The following DPP10 variants were observed in gnomAD, a reference collection of about 807,000 sequenced individuals.
DPP10 encodes the protein inactive dipeptidyl peptidase 10.
Under a neutral mutation model 120.9 loss-of-function variants are expected in DPP10, and 33 were observed. The observed-to-expected ratio is 0.27, with a 90% CI of 0.21 to 0.37. The LOEUF (loss-of-function observed/expected upper bound fraction) is 0.37. Ranked by LOEUF, DPP10 falls within the 10% of genes least tolerant of loss-of-function variation. The pLI is 1.00. For missense variants in DPP10, 816 were observed against 942.8 expected (o/e 0.87, Z 1.76); for synonymous variants, 337 against 326.1 (o/e 1.03, Z -0.36).
At chr2:114,609,507 G>C (rs1228500470) in intron 1 of DPP10, among the ~76,000 whole-genome samples, 4 of 152,142 alleles carry the variant, frequency 2.6e-5, no homozygotes, top group Non-Finnish European at 5.9e-5. Context: ...CACACAGATG[G>C]GACAAGAGTC....
chr2:114,558,144 T>G (rs1349546593), intron 1 of DPP10, among the ~76,000 whole-genome samples: 1 of 152,180 alleles, frequency 6.6e-6, no homozygotes, highest in African/African-American at 2.4e-5. Context: ...TTTACTGACC[T>G]CCAGAAGTGA....
At chr2:114,800,100 T>C (rs1378832034) in intron 1 of DPP10, among the ~76,000 whole-genome samples, 2 of 152,342 alleles carry the variant, frequency 1.3e-5, no homozygotes, top group Non-Finnish European at 2.9e-5. Flanking sequence ...GCATAAATGA[T>C]GTAAGCGCAA....
At chr2:114,517,237 A>G (rs1684664806) in intron 1 of DPP10, among the ~76,000 whole-genome samples, 1 of 152,140 alleles carries the variant, frequency 6.6e-6, no homozygotes. Flanking sequence ...AAATCAGGGT[A>G]TGGCTGGGCA....
At chr2:115,166,659 CTGTT>C (rs1003457901) in intron 1 of DPP10, among the ~76,000 whole-genome samples, 8 of 146,828 alleles carry the variant, frequency 5.4e-5, no homozygotes, top group East Asian at 1.9e-4. Context: ...ATCTATATAT[CTGTT>C]TGATTATTTC....
At chr2:114,730,528 C>A (rs1676792883) in intron 1 of DPP10, among the ~76,000 whole-genome samples, 1 of 152,164 alleles carries the variant, frequency 6.6e-6, no homozygotes, top group Admixed American at 6.6e-5. Flanking sequence ...TAAAGAAACC[C>A]ACAATAGAGT....
intron 1 of DPP10, among the ~76,000 whole-genome samples, chr2:114,877,273 T>A (rs1006118855): frequency 1.3e-5 from 2 of 152,094 alleles, no homozygotes; most frequent in African/African-American, 4.8e-5. Context: ...GAAACAAGGC[T>A]TATCCTATCT....
chr2:114,965,974 A>C (rs995290641), intron 1 of DPP10, among the ~76,000 whole-genome samples: 3 of 149,210 alleles, frequency 2.0e-5, no homozygotes, highest in African/African-American at 7.5e-5. Flanking sequence ...CAAAAAAAAA[A>C]AAAAAAAAAA....
chr2:115,635,062 G>A (rs2086207417), intron 5 of DPP10, among the ~76,000 whole-genome samples: 1 of 151,972 alleles, frequency 6.6e-6, no homozygotes, highest in Admixed American at 6.6e-5. Context: ...CATTTTCCCT[G>A]GCATTGCAGG....
At chr2:115,618,498 C>T (rs1228800583) in intron 5 of DPP10, among the ~76,000 whole-genome samples, 1 of 152,142 alleles carries the variant, frequency 6.6e-6, no homozygotes, top group African/African-American at 2.4e-5. Context: ...AACAATTTGG[C>T]ACTTCCCATG....
chr2:114,693,427 G>A (rs1699887265), intron 1 of DPP10, among the ~76,000 whole-genome samples: 1 of 151,844 alleles, frequency 6.6e-6, no homozygotes, highest in Non-Finnish European at 1.5e-5. Context: ...CTGGCTTATA[G>A]GGTTTCCACT....
At chr2:115,453,482 T>C (rs1171555767) in intron 3 of DPP10, among the ~76,000 whole-genome samples, 1 of 151,566 alleles carries the variant, frequency 6.6e-6, no homozygotes, top group Non-Finnish European at 1.5e-5. Context: ...TAGAATTAAA[T>C]TAGAAATCAA....
chr2:115,802,806 T>C (rs1326709718), intron 19 of DPP10, among the ~76,000 whole-genome samples: 1 of 152,192 alleles, frequency 6.6e-6, no homozygotes, highest in Non-Finnish European at 1.5e-5. Flanking sequence ...TAGTTTGTTA[T>C]AATTTCTGTT....
At chr2:114,846,779 A>G (rs971956913) in intron 1 of DPP10, among the ~76,000 whole-genome samples, 5 of 152,126 alleles carry the variant, frequency 3.3e-5, no homozygotes, top group South Asian at 2.1e-4. Flanking sequence ...TTAAACAAAA[A>G]TCCTACTGAT....
intron 1 of DPP10, among the ~76,000 whole-genome samples, chr2:114,595,113 C>A (rs1691802180): frequency 6.6e-6 from 1 of 152,208 alleles, no homozygotes; most frequent in Non-Finnish European, 1.5e-5. Flanking sequence ...TTTTCCCTGA[C>A]ATGTATCAAA....
At chr2:115,390,894 C>T (rs2067272835) in intron 3 of DPP10, among the ~76,000 whole-genome samples, 1 of 152,114 alleles carries the variant, frequency 6.6e-6, no homozygotes, top group Admixed American at 6.6e-5. Context: ...TTATGGACTC[C>T]ATCCTCACCG....
intron 3 of DPP10, among the ~76,000 whole-genome samples, chr2:115,432,277 G>A (rs2071063570): frequency 6.6e-6 from 1 of 152,038 alleles, no homozygotes; most frequent in South Asian, 2.1e-4. Context: ...CTTTATTTAA[G>A]CTATTATGAG....
chr2:114,791,254 A>T (rs1558744986), intron 1 of DPP10, among the ~76,000 whole-genome samples: 1 of 152,214 alleles, frequency 6.6e-6, no homozygotes. Context: ...GGAGAAGCTC[A>T]ATATTGCCAT....
intron 1 of DPP10, among the ~76,000 whole-genome samples, chr2:115,163,751 G>T (rs1043337287): frequency 6.6e-6 from 1 of 152,190 alleles, no homozygotes; most frequent in African/African-American, 2.4e-5. Context: ...GTCCCCACAT[G>T]AAATCTTTGC....
At chr2:115,510,276 T>G (rs2077156924) in intron 4 of DPP10, among the ~76,000 whole-genome samples, 1 of 152,154 alleles carries the variant, frequency 6.6e-6, no homozygotes, top group African/African-American at 2.4e-5. Context: ...TTTGAGAACA[T>G]AATAGATTTT....
Sources: allele counts gnomAD v4.1 joint callset (sites outside exome capture counted in the v4.1 genomes callset), GRCh38; gene constraint gnomAD v4.1.1; transcripts MANE v1.5; gene names NCBI Gene and HGNC (gene_info 2026-07-23, HGNC 2026-07-21).